Variants in SENP6 observed in about 807,000 individuals in gnomAD.
SENP6 encodes sentrin-specific protease 6.
A neutral mutation model predicts 134.5 loss-of-function variants in SENP6; 41 were observed. That is an observed-to-expected ratio of 0.30 (90% CI 0.24 to 0.40). The LOEUF (loss-of-function observed/expected upper bound fraction) is 0.40, where lower values mean the gene tolerates loss of function less well. Among genes scored for constraint, SENP6 ranks in the 10% least tolerant of loss-of-function variants. The pLI, the probability that SENP6 is intolerant of heterozygous loss-of-function variation, is 1.00. For missense variants in SENP6, 1,248 were observed against 1,312.5 expected (o/e 0.95, Z 0.76); for synonymous variants, 395 against 429.8 (o/e 0.92, Z 1.00).
intron 9 of SENP6, among the ~76,000 whole-genome samples, chr6:75,664,767 G>A (rs185144739): frequency 2.1e-3 from 316 of 152,276 alleles, no homozygotes; most frequent in African/African-American, 7.1e-3. Flanking sequence ...AAGCATTTAT[G>A]TTTGAAATAC....
chr6:75,688,250 A>C (rs768748172), intron 16 of SENP6, among the ~76,000 whole-genome samples: 6 of 152,196 alleles, frequency 3.9e-5, no homozygotes, highest in Non-Finnish European at 7.3e-5. Context: ...AGACCTTGGG[A>C]AAAGCACAGT....
Position 75,653,026 on chromosome 6 carries a change from TTTCTTTTC to T in SENP6, c.550+5228_550+5235del, listed in dbSNP as rs141431885. ...CATTTTGTGGTTTTTCTGTTACTTT[TTTCTTTTC>T]TTTTTTTTCTTTTTTGACGGAGTTT... On this transcript the variant is annotated intron_variant, in intron 7 of 23. Coordinates refer to ENST00000447266, the MANE Select transcript of SENP6 (RefSeq NM_015571.4). Among the ~76,000 whole-genome samples, 21 of 124,598 alleles carry T rather than the reference TTTCTTTTC, an allele frequency of 1.7e-4. No individual in the cohort carries two copies. In the East Asian group the frequency reaches 4.1e-3, roughly 24 times the overall value. The allele number at this position is 124,598 out of a possible 152,430, so 81.7% of individuals were successfully genotyped here. A position where few individuals can be genotyped will look rare whatever the true frequency, so the allele number is the denominator to read the frequency against.
chr6:75,638,231 C>T (rs1769674584), intron 5 of SENP6, among the ~76,000 whole-genome samples: 1 of 123,612 alleles, frequency 8.1e-6, no homozygotes, highest in African/African-American at 3.1e-5. Context: ...AGTCTTTTTC[C>T]CTTTTCTTTT....
intron 16 of SENP6, among the ~76,000 whole-genome samples, chr6:75,689,738 G>A (rs935941870): frequency 1.3e-5 from 2 of 152,088 alleles, no homozygotes; most frequent in Admixed American, 1.3e-4. Flanking sequence ...ATACTATACA[G>A]GTGTATAGTG....
chr6:75,633,012 T>C (rs989690409), intron 3 of SENP6, among the ~76,000 whole-genome samples: 2 of 152,198 alleles, frequency 1.3e-5, no homozygotes, highest in South Asian at 2.1e-4. Flanking sequence ...AATTTTATAA[T>C]TGTATGATAA....
At chr6:75,658,197 C>CT (rs1771490058) in intron 7 of SENP6, among the ~76,000 whole-genome samples, 1 of 152,044 alleles carries the variant, frequency 6.6e-6, no homozygotes, top group Admixed American at 6.6e-5. Context: ...AAATTTCTAG[C>CT]TTTGGTGTCT....
chr6:75,681,978 G>A lies in SENP6; in HGVS notation c.2075+3051G>A, dbSNP rs141382370. 5.3e-4 allele frequency among the ~76,000 whole-genome samples: 81 copies of A among 152,140 alleles called. No individual in the cohort carries two copies. In the East Asian group the frequency reaches 0.013, roughly 25 times the overall value. ...CTGGGCTCAATAGCAGAATGGAAAA[G>A]ACAGAGGAAAGAATCAGTGAACTGT... On this transcript the variant is annotated intron_variant, in intron 16 of 23. Coordinates refer to ENST00000447266, the MANE Select transcript of SENP6 (RefSeq NM_015571.4).
intron 1 of SENP6, among the ~76,000 whole-genome samples, chr6:75,603,938 A>T (rs1766828621): frequency 2.0e-5 from 3 of 152,196 alleles, no homozygotes. Flanking sequence ...TATTACCTCC[A>T]TTCCAGTTTG....
chr6:75,602,710 G>A (rs755488357), intron 1 of SENP6, 134 bp downstream of exon 1: 1 of 928,362 alleles, frequency 1.1e-6, no homozygotes. Flanking sequence ...GAGCGATGAC[G>A]GGGAGGGAGT....
intron 7 of SENP6, among the ~76,000 whole-genome samples, chr6:75,651,503 G>GGA (rs1293924830): frequency 6.6e-6 from 1 of 152,034 alleles, no homozygotes; most frequent in Non-Finnish European, 1.5e-5. Flanking sequence ...GGCGCATGCT[G>GGA]CCACATCCAG....
intron 7 of SENP6, among the ~76,000 whole-genome samples, chr6:75,648,500 T>C (rs1018545123): frequency 3.3e-5 from 5 of 152,178 alleles, no homozygotes; most frequent in Non-Finnish European, 7.4e-5. Context: ...AGAATGTGCT[T>C]TTAAAAAACA....
intron 23 of SENP6, among the ~76,000 whole-genome samples, chr6:75,714,443 T>C (rs750488979): frequency 1.1e-4 from 17 of 152,180 alleles, no homozygotes; most frequent in Non-Finnish European, 1.9e-4. Context: ...GTCAGATAGA[T>C]TTACTTGTTT....
intron 11 of SENP6, 26 bp downstream of exon 11, chr6:75,670,746 A>C (rs1453270700): frequency 2.1e-6 from 3 of 1,403,614 alleles, no homozygotes. Context: ...GCTCTTTACT[A>C]TACCAATTAT....
intron 8 of SENP6, 150 bp from the exon 9 acceptor site, chr6:75,663,071 A>C: frequency 1.5e-6 from 1 of 650,254 alleles, no homozygotes; most frequent in Non-Finnish European, 2.6e-6. Flanking sequence ...CTTTGAGGGG[A>C]TTCCTTAATG....
chr6:75,683,878 G>A (rs10943278), intron 16 of SENP6, among the ~76,000 whole-genome samples: 17,183 of 152,030 alleles, frequency 0.11, 987 homozygotes, highest in African/African-American at 0.14. Context: ...TTGGCAATGC[G>A]GGCTCTTTTT....
chr6:75,664,846 C>T (rs1772071815), intron 9 of SENP6, among the ~76,000 whole-genome samples: 1 of 152,190 alleles, frequency 6.6e-6, no homozygotes, highest in African/African-American at 2.4e-5. Context: ...GGGGATATAG[C>T]AGTGAATAAG....
At chr6:75,706,050 T>C (rs1775389582) in intron 19 of SENP6, among the ~76,000 whole-genome samples, 1 of 149,990 alleles carries the variant, frequency 6.7e-6, no homozygotes. Context: ...GATTGTCTTC[T>C]CTTGCCTCAG....
rs1773148152 is a variant in SENP6 at position 75,677,203 on chromosome 6, T to TTC, written c.1795_1796insTC (p.Tyr599PhefsTer54). On this transcript the variant is annotated frameshift_variant, in exon 14 of 24. Coordinates refer to ENST00000447266, the MANE Select transcript of SENP6 (RefSeq NM_015571.4). LOFTEE classifies it high-confidence loss of function. The stretch of plus-strand genomic sequence containing the variant: ...CAGACTTGTTGCCTGTACAAGAACC[T>TTC]ATGAAGAGAGCATCAAAGGAAGTTG... 1.2e-5 allele frequency: 19 copies of TTC among 1,608,664 alleles called. No individual in the cohort carries two copies. Among genetic ancestry groups the TTC allele is most frequent in the Non-Finnish European group, 1.5e-5 (18 of 1,177,670 alleles).
intron 16 of SENP6, among the ~76,000 whole-genome samples, chr6:75,685,835 T>A (rs1454220348): frequency 1.3e-5 from 2 of 152,224 alleles, no homozygotes; most frequent in Non-Finnish European, 2.9e-5. Flanking sequence ...AATTTTTGAA[T>A]AAGTGCGATG....
Sources: gnomAD v4.1 joint callset for allele counts (sites outside exome capture counted in the v4.1 genomes callset) on GRCh38, gnomAD v4.1.1 for gene constraint, MANE v1.5 for transcripts, NCBI Gene and HGNC (gene_info 2026-07-23, HGNC 2026-07-21) for gene names.